Variants in PPP1R16B observed in about 807,000 individuals in gnomAD.
PPP1R16B encodes the protein protein phosphatase 1 regulatory subunit 16B, also known as protein phosphatase 1 regulatory inhibitor subunit 16B.
In PPP1R16B, 14 loss-of-function variants were observed where a neutral mutation model predicts 61.7. The ratio of observed to expected loss-of-function variants is 0.23; its 90% CI spans 0.15 to 0.35. The LOEUF is 0.35. Ranked by LOEUF, PPP1R16B falls within the 10% of genes least tolerant of loss-of-function variation. The pLI is 1.00. For synonymous variants in PPP1R16B, 266 were observed against 305.3 expected (o/e 0.87, Z 1.34); for missense variants, 547 against 752.5 (o/e 0.73, Z 3.19).
At chr20:38,883,686 T>C (rs1431043432) in intron 2 of PPP1R16B, among the ~76,000 whole-genome samples, 2 of 152,216 alleles carry the variant, frequency 1.3e-5, no homozygotes, top group African/African-American at 2.4e-5. Flanking sequence ...TGCCTCTGTC[T>C]TTTACCACCA....
Position 38,921,228 on chromosome 20 carries a change from G to A in PPP1R16B, c.*2562G>A, listed in dbSNP as rs544781155. ...CCCTTCTTGGGGCTTTAAGTCCCTG[G>A]GGAGCTTTCCCTGTAGGTCTCCTGG... is the stretch of plus-strand genomic sequence containing the variant. On this transcript the variant is annotated 3_prime_UTR_variant, in exon 11 of 11. Transcript: ENST00000299824. 13 of 152,278 alleles carry A rather than the reference G, an allele frequency of 8.5e-5. No homozygotes were observed. Among genetic ancestry groups the A allele is most frequent in the Admixed American group, 3.3e-4 (5 of 15,294 alleles). The allele number at this position is 152,278 out of a possible 1,614,324, so 9.4% of individuals were successfully genotyped here.
rs1473417368 is a variant in PPP1R16B, at chr20:38,918,866, C to T, written c.*200C>T. 4 of 561,106 alleles carry T rather than the reference C, an allele frequency of 7.1e-6. No individual in the cohort carries two copies. Among genetic ancestry groups the T allele is most frequent in the South Asian group, 5.3e-5 (1 of 18,998 alleles). The allele number at this position is 561,106 out of a possible 1,614,324, so 34.8% of individuals were successfully genotyped here. A position where few individuals can be genotyped will look rare whatever the true frequency, so the allele number is the denominator to read the frequency against. ...CCCGTGGTTCTGCTTCCTGCTGCAT[C>T]GTCTGCCATCTGACACAAGGCCTGT... On this transcript the variant is annotated 3_prime_UTR_variant, in exon 11 of 11. Transcript: ENST00000299824. The surrounding 1 kb of genome is among the most constrained non-coding windows in gnomAD (Gnocchi z 5.3).
chr20:38,850,682 T>G (rs2084962244), intron 2 of PPP1R16B, among the ~76,000 whole-genome samples: 1 of 152,140 alleles, frequency 6.6e-6, no homozygotes, highest in East Asian at 1.9e-4. Flanking sequence ...AAATGTTGAA[T>G]AGGGCCCAGC....
chr20:38,842,243 T>C (rs977246080), intron 2 of PPP1R16B, among the ~76,000 whole-genome samples: 1 of 152,238 alleles, frequency 6.6e-6, no homozygotes, highest in African/African-American at 2.4e-5. Context: ...CCTCAGTTGC[T>C]GTACTGATCT....
At chr20:38,815,737 A>G (rs1389465191) in intron 1 of PPP1R16B, among the ~76,000 whole-genome samples, 3 of 152,226 alleles carry the variant, frequency 2.0e-5, no homozygotes, top group African/African-American at 7.2e-5. Context: ...TAATTTTTAG[A>G]TTTTATGACC....
chr20:38,856,081 T>C (rs2085007409), intron 2 of PPP1R16B, among the ~76,000 whole-genome samples: 1 of 150,490 alleles, frequency 6.6e-6, no homozygotes, highest in Non-Finnish European at 1.5e-5. Flanking sequence ...ACTCCAGATA[T>C]GATAACAAGC....
chr20:38,855,978 A>AAGGAGGAGGAG (rs1265586618), intron 2 of PPP1R16B, among the ~76,000 whole-genome samples: 1 of 29,750 alleles, frequency 3.4e-5, no homozygotes, highest in Admixed American at 3.9e-4. Context: ...AGAGAGAGAG[A>AAGGAGGAGGAG]GAGAAGGAGG....
chr20:38,844,271 CTG>C (rs1491285653), intron 2 of PPP1R16B, among the ~76,000 whole-genome samples: 4 of 152,122 alleles, frequency 2.6e-5, no homozygotes, highest in African/African-American at 9.7e-5. Flanking sequence ...TACTGGGAAA[CTG>C]TAAGTTCGTG....
At chr20:38,855,949 G>T (rs368388630) in intron 2 of PPP1R16B, among the ~76,000 whole-genome samples, 94 of 55,616 alleles carry the variant, frequency 1.7e-3, no homozygotes, top group African/African-American at 3.4e-3. Context: ...TATATAGAGA[G>T]AGAGAGAGAG....
chr20:38,913,959 A>C (rs2085512488), intron 10 of PPP1R16B, among the ~76,000 whole-genome samples: 2 of 152,204 alleles, frequency 1.3e-5, no homozygotes, highest in Non-Finnish European at 2.9e-5. Flanking sequence ...TGAGAGGCCC[A>C]GGCAGGCGGA....
intron 2 of PPP1R16B, among the ~76,000 whole-genome samples, chr20:38,884,168 A>G (rs1343719596): frequency 6.6e-6 from 1 of 152,260 alleles, no homozygotes; most frequent in Non-Finnish European, 1.5e-5. Context: ...CAGGTGCTCC[A>G]GAGAGCAAGA....
Position 38,922,058 on chromosome 20 carries a change from G to T in PPP1R16B, c.*3392G>T, listed in dbSNP as rs1189549142. 1 of 152,246 alleles carries T rather than the reference G, an allele frequency of 6.6e-6. No individual in the cohort carries two copies. Among genetic ancestry groups the T allele is most frequent in the Admixed American group, 6.5e-5 (1 of 15,280 alleles). 9.4% of individuals were successfully genotyped at this position (152,246 alleles called of 1,614,324 possible). On this transcript the variant is annotated 3_prime_UTR_variant, in exon 11 of 11. Coordinates refer to ENST00000299824, the MANE Select transcript of PPP1R16B (RefSeq NM_015568.4). ...CATATGCCCCAAACAACTGAAAGTT[G>T]GCGGTTATCACCAGACTGTGAGTTT...
At chr20:38,809,099 T>A (rs1048520355) in intron 1 of PPP1R16B, among the ~76,000 whole-genome samples, 3 of 151,920 alleles carry the variant, frequency 2.0e-5, no homozygotes, top group Non-Finnish European at 1.5e-5. Flanking sequence ...CAGGAAATGA[T>A]CATTGTCACC....
At chr20:38,866,575 G>A (rs1236027111) in intron 2 of PPP1R16B, among the ~76,000 whole-genome samples, 1 of 152,118 alleles carries the variant, frequency 6.6e-6, no homozygotes, top group African/African-American at 2.4e-5. Context: ...GGATGTCTGG[G>A]GTGTGAGGCA....
chr20:38,900,144 C>A (rs1163787887), intron 4 of PPP1R16B, among the ~76,000 whole-genome samples: 1 of 152,136 alleles, frequency 6.6e-6, no homozygotes, highest in African/African-American at 2.4e-5. Context: ...ACAGTATTAA[C>A]CTGAGCTATT....
chr20:38,809,378 G>A (rs1005594553), intron 1 of PPP1R16B, among the ~76,000 whole-genome samples: 3 of 152,134 alleles, frequency 2.0e-5, no homozygotes, highest in South Asian at 4.1e-4. Flanking sequence ...TTCAAAAGAC[G>A]TTTATTCCAT....
intron 3 of PPP1R16B, among the ~76,000 whole-genome samples, chr20:38,889,945 A>G (rs1457354796): frequency 6.6e-6 from 1 of 152,228 alleles, no homozygotes; most frequent in Non-Finnish European, 1.5e-5. Flanking sequence ...TGCCCATGAA[A>G]GCAAGTGTGT....
chr20:38,817,923 A>G (rs2084749178), intron 1 of PPP1R16B, among the ~76,000 whole-genome samples: 1 of 152,230 alleles, frequency 6.6e-6, no homozygotes, highest in African/African-American at 2.4e-5. Flanking sequence ...GGGCACCTGT[A>G]GTCCCAGCTG....
At chr20:38,906,956 A>T in intron 7 of PPP1R16B, 23 bp from the exon 8 acceptor site, 2 of 1,608,920 alleles carry the variant, frequency 1.2e-6, no homozygotes, top group Non-Finnish European at 1.7e-6. Flanking sequence ...AGGGGGACAC[A>T]TGAGCTTCTT....
Sources: gnomAD v4.1 joint callset for allele counts (sites outside exome capture counted in the v4.1 genomes callset) on GRCh38, gnomAD v4.1.1 for gene constraint, Gnocchi (gnomAD v3.1) non-coding constraint, MANE v1.5 for transcripts, NCBI Gene and HGNC (gene_info 2026-07-23, HGNC 2026-07-21) for gene names.